LDLRAD4: variants seen among roughly 807,000 people sequenced by gnomAD.
The protein encoded by LDLRAD4 is low-density lipoprotein receptor class A domain-containing protein 4.
A neutral mutation model predicts 17.0 loss-of-function variants in LDLRAD4; 5 were observed. That is an observed-to-expected ratio of 0.29 (90% CI 0.15 to 0.62). The LOEUF (loss-of-function observed/expected upper bound fraction) is 0.62, where lower values mean the gene tolerates loss of function less well. LDLRAD4 is among the 20% of genes least tolerant of loss of function. The probability of loss-of-function intolerance (pLI) is 0.84; values close to 1 mark genes in which losing one functional copy is unlikely to be tolerated. For missense variants in LDLRAD4, 340 were observed against 424.7 expected (o/e 0.80, Z 1.75); for synonymous variants, 168 against 171.8 (o/e 0.98, Z 0.17).
chr18:13,513,641 G>A (rs780954404), intron 3 of LDLRAD4, among the ~76,000 whole-genome samples: 10 of 152,096 alleles, frequency 6.6e-5, no homozygotes, highest in Non-Finnish European at 1.5e-4. Flanking sequence ...AGCTTTCAGA[G>A]CTTATGCTGA....
chr18:13,642,763 G>A, intron 4 of LDLRAD4: 1 of 1,230,056 alleles, frequency 8.1e-7, no homozygotes, highest in Non-Finnish European at 1.0e-6. Context: ...CACAGGTGTA[G>A]AGAGTGAGCC....
chr18:13,457,862 A>T (rs2092227394), intron 3 of LDLRAD4, among the ~76,000 whole-genome samples: 1 of 152,166 alleles, frequency 6.6e-6, no homozygotes, highest in African/African-American at 2.4e-5. Flanking sequence ...GGTAAGCTCC[A>T]TGAAGGCAGG....
In LDLRAD4 at chr18:13,622,275, T is replaced by C. The variant is rs780545459; in HGVS notation, c.336+1004T>C. On this transcript the variant is annotated intron_variant, in intron 4 of 5. Coordinates refer to ENST00000359446, the Ensembl canonical transcript of LDLRAD4. The surrounding 1 kb of genome is among the most constrained non-coding windows in gnomAD (Gnocchi z 5.3). ...GCAGGCTCACACTTCACTAGGATCA[T>C]TGGTGCAGCCATCCATATGGGCAGA... Among the ~76,000 whole-genome samples, 3 of 152,128 alleles carry C rather than the reference T, an allele frequency of 2.0e-5. No individual in the cohort carries two copies. The highest frequency in any genetic ancestry group is 2.9e-5 in the Non-Finnish European group (2 of 68,012).
At chr18:13,559,665 A>G (rs1235648600) in intron 3 of LDLRAD4, among the ~76,000 whole-genome samples, 2 of 152,216 alleles carry the variant, frequency 1.3e-5, no homozygotes, top group African/African-American at 4.8e-5. Flanking sequence ...ATATATATAC[A>G]TGTAAGCTAT....
chr18:13,390,811 C>T (rs1399554350), intron 2 of LDLRAD4, among the ~76,000 whole-genome samples: 3 of 152,242 alleles, frequency 2.0e-5, no homozygotes, highest in South Asian at 2.1e-4. Context: ...CCCCATCTCT[C>T]TCTAGGAAGT....
In LDLRAD4 at chr18:13,621,138, T is replaced by G. The variant is rs2040590502; in HGVS notation, c.203T>G (p.Ile68Ser). The change falls in exon 4 of 6, where the codon ATC becomes AGC. Residue 68 changes from isoleucine to serine, a missense_variant. Physicochemically the swap from Ile to Ser is moderately radical, Grantham distance 142 (BLOSUM62 -2). Transcript: ENST00000359446. The surrounding 1 kb of genome is among the most constrained non-coding windows in gnomAD (Gnocchi z 5.5). ...GCAGCGGAGCTGGAGTTCGCCCAAATCATCATCATCGTCGTGGTGGTCACG... is the reference window on the plus strand; with the variant it reads ...GCAGCGGAGCTGGAGTTCGCCCAAAGCATCATCATCGTCGTGGTGGTCACG... 6.2e-7 allele frequency: 1 copy of G among 1,614,066 alleles called. No individual in the cohort carries two copies. Among genetic ancestry groups the G allele is most frequent in the Non-Finnish European group, 8.5e-7 (1 of 1,179,978 alleles).
chr18:13,254,000 C>T (rs546087119), intron 1 of LDLRAD4, among the ~76,000 whole-genome samples: 93 of 152,328 alleles, frequency 6.1e-4, no homozygotes, highest in African/African-American at 2.2e-3. Flanking sequence ...ACGGGGCATC[C>T]CAGGAATCCA....
chr18:13,466,078 G>A (rs2092606386), intron 3 of LDLRAD4, among the ~76,000 whole-genome samples: 1 of 152,196 alleles, frequency 6.6e-6, no homozygotes, highest in Non-Finnish European at 1.5e-5. Context: ...ATGAAATAAT[G>A]AAGTAATCTT....
In LDLRAD4 at chr18:13,564,556, G is replaced by A. The variant is rs1460160340; in HGVS notation, c.182-56561G>A. 4.4e-5 allele frequency among the ~76,000 whole-genome samples: 4 copies of A among 91,888 alleles called. No individual in the cohort carries two copies. In the East Asian group the frequency reaches 1.0e-3, roughly 24 times the overall value. The allele number at this position is 91,888 out of a possible 152,430, so 60.3% of individuals were successfully genotyped here. A position where few individuals can be genotyped will look rare whatever the true frequency, so the allele number is the denominator to read the frequency against. Reference sequence around the variant, plus strand: ...TTTTCTGTTTTTGAGAATGGAAAAAGTTCATTTTTGTGTTCCCATTTTCTA... The same window carrying A: ...TTTTCTGTTTTTGAGAATGGAAAAAATTCATTTTTGTGTTCCCATTTTCTA... On this transcript the variant is annotated intron_variant, in intron 3 of 5. Transcript: ENST00000359446.
chr18:13,311,870 T>G (rs1386098314), intron 1 of LDLRAD4, among the ~76,000 whole-genome samples: 4 of 151,712 alleles, frequency 2.6e-5, no homozygotes, highest in Non-Finnish European at 5.9e-5. Context: ...CTTGCTCTGT[T>G]GCCCAGGCTG....
At chr18:13,571,219 T>C (rs1785147) in intron 3 of LDLRAD4, among the ~76,000 whole-genome samples, 46,246 of 152,092 alleles carry the variant, frequency 0.3, 8,127 homozygotes, top group African/African-American at 0.49. Context: ...AAAGCAGATG[T>C]TTCCATTTGC....
Position 13,468,945 on chromosome 18 carries a change from A to G in LDLRAD4, c.181+30561A>G, listed in dbSNP as rs189128106. Among the ~76,000 whole-genome samples, 29 of 152,230 alleles carry G rather than the reference A, an allele frequency of 1.9e-4. No individual in the cohort carries two copies. The East Asian group carries it at 5.0e-3, about 26-fold the overall frequency. On this transcript the variant is annotated intron_variant, in intron 3 of 5. Transcript: ENST00000359446. ...CAGCACACCAACATGGCACGTGTAT[A>G]CATATGTAACTAACCTGCACATTGT... is the stretch of plus-strand genomic sequence containing the variant.
At chr18:13,350,362 T>G (rs1453514972) in intron 1 of LDLRAD4, among the ~76,000 whole-genome samples, 1 of 152,246 alleles carries the variant, frequency 6.6e-6, no homozygotes, top group Non-Finnish European at 1.5e-5. Flanking sequence ...GGTTTTGATT[T>G]GCATTTCTCT....
intron 1 of LDLRAD4, among the ~76,000 whole-genome samples, chr18:13,278,909 T>G (rs1447991891): frequency 2.0e-5 from 3 of 152,206 alleles, no homozygotes; most frequent in Non-Finnish European, 2.9e-5. Flanking sequence ...TAACCCAGCC[T>G]TTTCCTTTCT....
chr18:13,560,480 C>T (rs181751243), intron 3 of LDLRAD4, among the ~76,000 whole-genome samples: 13 of 152,250 alleles, frequency 8.5e-5, no homozygotes, highest in East Asian at 5.8e-4. Flanking sequence ...GTGGGGATGA[C>T]GGGGGCTGAT....
At chr18:13,249,514 A>G (rs1447370073) in intron 1 of LDLRAD4, among the ~76,000 whole-genome samples, 1 of 151,868 alleles carries the variant, frequency 6.6e-6, no homozygotes. Flanking sequence ...CACATTTTTC[A>G]TATATTAATA....
chr18:13,264,277 G>A (rs755385291), intron 1 of LDLRAD4, among the ~76,000 whole-genome samples: 1 of 152,254 alleles, frequency 6.6e-6, no homozygotes, highest in African/African-American at 2.4e-5. Flanking sequence ...TCAACGGCCA[G>A]TGAAGCTGGG....
chr18:13,456,303 C>T (rs995189552), intron 3 of LDLRAD4, among the ~76,000 whole-genome samples: 2 of 152,172 alleles, frequency 1.3e-5, no homozygotes, highest in Admixed American at 6.5e-5. Context: ...CCTTCCTGAG[C>T]GTGCCACATC....
At chr18:13,507,722 G>T (rs1178226106) in intron 3 of LDLRAD4, among the ~76,000 whole-genome samples, 1 of 152,190 alleles carries the variant, frequency 6.6e-6, no homozygotes, top group Non-Finnish European at 1.5e-5. Flanking sequence ...TTAGTGTTGT[G>T]TGTGTTCTGA....
Sources: allele counts gnomAD v4.1 joint callset (sites outside exome capture counted in the v4.1 genomes callset), GRCh38; gene constraint gnomAD v4.1.1; non-coding constraint Gnocchi (gnomAD v3.1); transcripts MANE v1.5; gene names NCBI Gene and HGNC (gene_info 2026-07-23, HGNC 2026-07-21).